EDIL3: variants seen among roughly 807,000 people sequenced by gnomAD.
The protein encoded by EDIL3 is EGF-like repeat and discoidin I-like domain-containing protein 3.
A neutral mutation model predicts 67.4 loss-of-function variants in EDIL3; 37 were observed. The ratio of observed to expected loss-of-function variants is 0.55; its 90% CI spans 0.42 to 0.72. EDIL3 has a LOEUF of 0.72. Among genes scored for constraint, EDIL3 ranks in the 30% least tolerant of loss-of-function variants. The pLI is 0.00. For missense variants in EDIL3, 527 were observed against 586.3 expected (o/e 0.90, Z 1.04); for synonymous variants, 195 against 196.3 (o/e 0.99, Z 0.05).
At chr5:84,209,525 T>C (rs1205196092) in intron 3 of EDIL3, among the ~76,000 whole-genome samples, 5 of 152,146 alleles carry the variant, frequency 3.3e-5, no homozygotes, top group South Asian at 2.1e-4. Flanking sequence ...GTGAGCTCCA[T>C]AATGGAAGGG....
chr5:84,172,445 G>T (rs906629766), intron 4 of EDIL3, among the ~76,000 whole-genome samples: 1 of 151,878 alleles, frequency 6.6e-6, no homozygotes, highest in Non-Finnish European at 1.5e-5. Context: ...AGCTCAGCAT[G>T]GTGGCATGCC....
At chr5:84,224,124 A>G (rs1382724878) in intron 3 of EDIL3, among the ~76,000 whole-genome samples, 1 of 151,406 alleles carries the variant, frequency 6.6e-6, no homozygotes, top group East Asian at 1.9e-4. Context: ...ACAAAACAAT[A>G]AGTTACGGTT....
intron 1 of EDIL3, among the ~76,000 whole-genome samples, chr5:84,271,679 T>G (rs1212896183): frequency 1.3e-5 from 2 of 152,138 alleles, no homozygotes; most frequent in African/African-American, 4.8e-5. Flanking sequence ...TCACTTTGAT[T>G]AATGAAATTA....
intron 9 of EDIL3, among the ~76,000 whole-genome samples, chr5:84,009,218 A>G (rs1745477300): frequency 6.6e-6 from 1 of 152,182 alleles, no homozygotes; most frequent in South Asian, 2.1e-4. Flanking sequence ...AAAAACAGCC[A>G]CTTTCTTTAT....
chr5:84,344,486 G>C (rs190660591), intron 1 of EDIL3, among the ~76,000 whole-genome samples: 10 of 151,794 alleles, frequency 6.6e-5, no homozygotes, highest in Non-Finnish European at 1.2e-4. Context: ...TTTTAAACAC[G>C]TTACCAACAA....
intron 10 of EDIL3, among the ~76,000 whole-genome samples, chr5:83,958,725 G>A (rs1744556964): frequency 6.6e-6 from 1 of 151,160 alleles, no homozygotes; most frequent in Non-Finnish European, 1.5e-5. Flanking sequence ...GCTTTACTTT[G>A]GCTTATAACC....
At chr5:84,224,489 T>A (rs963723139) in intron 3 of EDIL3, among the ~76,000 whole-genome samples, 1 of 151,412 alleles carries the variant, frequency 6.6e-6, no homozygotes, top group Admixed American at 6.6e-5. Context: ...ATTGTTATAG[T>A]CAGTTTATGA....
At chr5:84,092,051 T>C (rs1747177329) in intron 6 of EDIL3, among the ~76,000 whole-genome samples, 1 of 152,138 alleles carries the variant, frequency 6.6e-6, no homozygotes, top group Non-Finnish European at 1.5e-5. Context: ...CTAACTCCTT[T>C]AGTCCTAAGT....
chr5:84,291,660 CTATA>C (rs561500682), intron 1 of EDIL3, among the ~76,000 whole-genome samples: 3 of 141,012 alleles, frequency 2.1e-5, no homozygotes, highest in Admixed American at 7.3e-5. Flanking sequence ...ATCTATATAT[CTATA>C]TATATATCTA....
At chr5:84,321,238 C>A (rs1247104445) in intron 1 of EDIL3, among the ~76,000 whole-genome samples, 1 of 151,990 alleles carries the variant, frequency 6.6e-6, no homozygotes, top group Non-Finnish European at 1.5e-5. Flanking sequence ...ATTATCTCAG[C>A]TTCTGTTATT....
chr5:84,144,100 G>C (rs980715102), intron 4 of EDIL3, among the ~76,000 whole-genome samples: 3 of 152,012 alleles, frequency 2.0e-5, no homozygotes, highest in Non-Finnish European at 2.9e-5. Context: ...TGACTTAAAT[G>C]GTCTTGGGAG....
intron 6 of EDIL3, among the ~76,000 whole-genome samples, chr5:84,077,758 T>A (rs571862094): frequency 6.6e-6 from 1 of 152,178 alleles, no homozygotes; most frequent in East Asian, 1.9e-4. Flanking sequence ...CCAAATCATA[T>A]CAAATCATAT....
At chr5:84,324,001 C>T (rs966056101) in intron 1 of EDIL3, among the ~76,000 whole-genome samples, 1 of 151,800 alleles carries the variant, frequency 6.6e-6, no homozygotes, top group African/African-American at 2.4e-5. Flanking sequence ...ATAGATAGCA[C>T]AACTAGACAG....
rs890553237 is a variant in EDIL3, at chr5:84,364,032, T to A, written c.67+20276A>T. Among the ~76,000 whole-genome samples the A allele has an allele frequency of 9.9e-5, 15 of 152,222 alleles. No homozygotes were observed. In the East Asian group the frequency reaches 2.7e-3, roughly 27 times the overall value. On this transcript the variant is annotated intron_variant, in intron 1 of 10. Coordinates refer to ENST00000296591, the MANE Select transcript of EDIL3 (RefSeq NM_005711.5). ...AGCGTTTTCATGACATCTTAATGGG[T>A]ACAGTAAAATATACAAACACAACCA...
intron 1 of EDIL3, among the ~76,000 whole-genome samples, chr5:84,257,791 C>T (rs984827736): frequency 6.6e-6 from 1 of 152,066 alleles, no homozygotes; most frequent in Non-Finnish European, 1.5e-5. Context: ...TACTATATTT[C>T]ACTGAGTCTA....
At chr5:84,336,837 T>C (rs1746996334) in intron 1 of EDIL3, among the ~76,000 whole-genome samples, 1 of 152,092 alleles carries the variant, frequency 6.6e-6, no homozygotes, top group Non-Finnish European at 1.5e-5. Context: ...CCTCTGTTCT[T>C]CCTTAAAGTG....
At chr5:84,051,908 T>C (rs990413997) in intron 9 of EDIL3, among the ~76,000 whole-genome samples, 1 of 152,116 alleles carries the variant, frequency 6.6e-6, no homozygotes, top group African/African-American at 2.4e-5. Context: ...CAGGAGAACT[T>C]CCCCAACCTA....
At position 84,140,225 on chromosome 5, in the gene EDIL3, T is replaced by A. The variant is rs142700103; in HGVS notation, c.356-2871A>T. 1.4e-4 allele frequency among the ~76,000 whole-genome samples: 21 copies of A among 152,286 alleles called. 1 individual carries two copies. Among genetic ancestry groups the A allele is most frequent in the African/African-American group, 5.1e-4 (21 of 41,568 alleles). On this transcript the variant is annotated intron_variant, in intron 4 of 10. Coordinates refer to ENST00000296591, the MANE Select transcript of EDIL3 (RefSeq NM_005711.5). The stretch of plus-strand genomic sequence containing the variant: ...GGTACAACATATATTTTAAGTCTCA[T>A]GTAAGAGGCTCTATATATTTTCTCA...
chr5:84,124,777 A>G (rs942938298), intron 5 of EDIL3, among the ~76,000 whole-genome samples: 3 of 152,000 alleles, frequency 2.0e-5, no homozygotes, highest in East Asian at 1.9e-4. Flanking sequence ...AGTGTTTTGC[A>G]TAATGAATGA....
Sources: allele counts gnomAD v4.1 joint callset (sites outside exome capture counted in the v4.1 genomes callset), GRCh38; gene constraint gnomAD v4.1.1; transcripts MANE v1.5; gene names NCBI Gene and HGNC (gene_info 2026-07-23, HGNC 2026-07-21).